ATP6V1B1: variants seen among roughly 807,000 people sequenced by gnomAD.
ATP6V1B1 encodes ATPase H+ transporting V1 subunit B1, also known as V-type proton ATPase subunit B, kidney isoform.
Under a neutral mutation model 62.1 loss-of-function variants are expected in ATP6V1B1, and 41 were observed. The ratio of observed to expected loss-of-function variants is 0.66; its 90% CI spans 0.51 to 0.86. ATP6V1B1 has a LOEUF of 0.86. ATP6V1B1 is among the 40% of genes least tolerant of loss of function. ATP6V1B1 has a pLI of 0.00. For synonymous variants in ATP6V1B1, 253 were observed against 273.4 expected (o/e 0.93, Z 0.74); for missense variants, 651 against 697.5 (o/e 0.93, Z 0.75).
chr2:70,941,112 T>C, intron 1 of ATP6V1B1: 2 of 454,478 alleles, frequency 4.4e-6, no homozygotes, highest in Non-Finnish European at 5.8e-6. Flanking sequence ...GAGACGAGGC[T>C]TCACCATATT....
At chr2:70,950,120 C>T (rs977017467) in intron 2 of ATP6V1B1, among the ~76,000 whole-genome samples, 86 of 152,158 alleles carry the variant, frequency 5.7e-4, no homozygotes, top group African/African-American at 1.9e-3. Context: ...AATTAATATA[C>T]AACATTTGTT....
In ATP6V1B1 at chr2:70,963,087, C is replaced by G. The variant is rs1553420395; in HGVS notation, c.910-75C>G. 6.2e-7 allele frequency: 1 copy of G among 1,609,264 alleles called. No homozygotes were observed. The highest frequency in any genetic ancestry group is 2.2e-5 in the East Asian group (1 of 44,840). ...CCCCACTCCATTTCTCACAGGGTCA[C>G]TGAACCTCCCACCCACCCTTCCTAG... On this transcript the variant is annotated intron_variant, in intron 9 of 13. Coordinates refer to ENST00000234396, the MANE Select transcript of ATP6V1B1 (RefSeq NM_001692.4). This position sits in a 1 kb window ranked among gnomAD's most constrained non-coding sequence, Gnocchi z 4.3.
At chr2:70,957,133 C>T (rs1402252934) in intron 2 of ATP6V1B1, among the ~76,000 whole-genome samples, 1 of 143,158 alleles carries the variant, frequency 7.0e-6, no homozygotes, top group Non-Finnish European at 1.5e-5. Context: ...ATCACCCAGG[C>T]TGGAGTGCAG....
At position 70,961,693 on chromosome 2, in the gene ATP6V1B1, C is replaced by A; in HGVS notation, c.785C>A (p.Thr262Lys). ...TTCCTGAACTTGGCCAATGACCCCA[C>A]GTGAGCTTTCCCTGATGCCCAAACT... ...CLFLNLANDP[T>K]IERIITPRLA... Residue 262 changes from threonine (T) to lysine (K), a missense_variant and splice_region_variant, in exon 8 of 14, where the codon ACG (threonine) becomes AAG (lysine). By Grantham distance (78) the Thr-to-Lys change is moderately conservative. Coordinates refer to ENST00000234396, the MANE Select transcript of ATP6V1B1 (RefSeq NM_001692.4). The A allele has an allele frequency of 6.2e-7, 1 of 1,614,120 alleles. No homozygotes were observed. Among genetic ancestry groups the A allele is most frequent in the Middle Eastern group, 1.6e-4 (1 of 6,062 alleles).
At chr2:70,945,723 T>TATAG (rs1680150753) in intron 2 of ATP6V1B1, among the ~76,000 whole-genome samples, 1 of 137,236 alleles carries the variant, frequency 7.3e-6, no homozygotes, top group South Asian at 2.4e-4. Context: ...TATATATATA[T>TATAG]ATATATATAT....
At chr2:70,946,390 C>T (rs1680175452) in intron 2 of ATP6V1B1, among the ~76,000 whole-genome samples, 1 of 152,134 alleles carries the variant, frequency 6.6e-6, no homozygotes, top group African/African-American at 2.4e-5. Flanking sequence ...TTTCTGCTAG[C>T]TACATGCCAA....
chr2:70,943,359 G>A, intron 1 of ATP6V1B1: 1 of 568,970 alleles, frequency 1.8e-6, no homozygotes, highest in Non-Finnish European at 3.2e-6. Flanking sequence ...GAAGCCAGAG[G>A]GGAAGCAGCC....
At chr2:70,944,844 T>G (rs1680115427) in intron 2 of ATP6V1B1, among the ~76,000 whole-genome samples, 1 of 152,076 alleles carries the variant, frequency 6.6e-6, no homozygotes, top group African/African-American at 2.4e-5. Flanking sequence ...GATTATTTGT[T>G]TTTTAGCAGA....
rs886056274 is a variant in ATP6V1B1, at chr2:70,964,795, G to A, written c.1308G>A (p.Glu436=). The A allele has an allele frequency of 1.9e-6, 3 of 1,614,050 alleles. No homozygotes were observed. Among genetic ancestry groups the A allele is most frequent in the Non-Finnish European group, 2.5e-6 (3 of 1,180,040 alleles). ...CCATGAAGGCAGTAGTTGGGGAGGAGGCGCTCACCTCTGAGGACCTGCTCT... is the reference window on the plus strand; with the variant it reads ...CCATGAAGGCAGTAGTTGGGGAGGAAGCGCTCACCTCTGAGGACCTGCTCT... ...VQAMKAVVGE[E]ALTSEDLLYL... Residue 436 remains glutamate (E), a synonymous_variant, in exon 13 of 14, where the codon GAG becomes GAA. Coordinates refer to ENST00000234396, the MANE Select transcript of ATP6V1B1 (RefSeq NM_001692.4).
rs117826071 is a variant in ATP6V1B1, at chr2:70,963,275, C to T, written c.1023C>T (p.Ser341=). The change falls in exon 10 of 14, where the codon TCC becomes TCT. Residue 341 remains serine (S), a synonymous_variant. Coordinates refer to ENST00000234396, the MANE Select transcript of ATP6V1B1 (RefSeq NM_001692.4). The surrounding 1 kb of genome is among the most constrained non-coding windows in gnomAD (Gnocchi z 4.3). ...RAGRVEGRGG[S]ITQIPILTMP... Reference sequence around the variant, plus strand: ...GCCGCGTGGAGGGTCGGGGAGGATCCATCACACAGATCCCCATCCTCACCA... The same window carrying T: ...GCCGCGTGGAGGGTCGGGGAGGATCTATCACACAGATCCCCATCCTCACCA... 6.7e-4 allele frequency: 1,086 copies of T among 1,613,658 alleles called. 16 individuals carry two copies. In the East Asian group the frequency reaches 0.021, roughly 31 times the overall value.
In ATP6V1B1 at chr2:70,963,304, CCAA is replaced by C; in HGVS notation, c.1054_1056del (p.Asn352del). The C allele has an allele frequency of 1.2e-6, 2 of 1,613,132 alleles. No homozygotes were observed. Among genetic ancestry groups the C allele is most frequent in the Non-Finnish European group, 1.7e-6 (2 of 1,180,010 alleles). Reference sequence around the variant, plus strand: ...ACACAGATCCCCATCCTCACCATGCCCAACGACGGTAGCCTCCTCACAGCCCAC... The same window carrying C: ...ACACAGATCCCCATCCTCACCATGCCCGACGGTAGCCTCCTCACAGCCCAC... On this transcript the variant is annotated inframe_deletion, in exon 10 of 14. Coordinates refer to ENST00000234396, the MANE Select transcript of ATP6V1B1 (RefSeq NM_001692.4). This position sits in a 1 kb window ranked among gnomAD's most constrained non-coding sequence, Gnocchi z 4.3.
rs782581074 is a variant in ATP6V1B1, at chr2:70,965,082, G to A, written c.1503G>A (p.Glu501=). ...QAVIDEFYSR[E]GALQDLAPDT... is the part of the protein sequence containing the mutation. ...TGATCGACGAGTTCTATTCCCGCGA[G>A]GGGGCGCTGCAGGACCTCGCGCCTG... The change falls in exon 14 of 14, where the codon GAG becomes GAA. Residue 501 remains glutamate, a synonymous_variant. Transcript: ENST00000234396. 1.2e-5 allele frequency: 20 copies of A among 1,612,712 alleles called. No homozygotes were observed. Among genetic ancestry groups the A allele is most frequent in the Non-Finnish European group, 1.6e-5 (19 of 1,180,034 alleles).
At chr2:70,949,730 C>T (rs1402590630) in intron 2 of ATP6V1B1, among the ~76,000 whole-genome samples, 35 of 152,320 alleles carry the variant, frequency 2.3e-4, no homozygotes, top group Non-Finnish European at 5.9e-5. Context: ...TCCGTGAAAT[C>T]TTCCTACCAA....
Position 70,959,018 on chromosome 2 carries a change from G to A in ATP6V1B1, c.368G>A (p.Gly123Asp). The change falls in exon 5 of 14, where the codon GGT becomes GAT. Residue 123 changes from glycine to aspartate, a missense_variant and splice_region_variant. Transcript: ENST00000234396. This position sits in a 1 kb window ranked among gnomAD's most constrained non-coding sequence, Gnocchi z 4.2. ...TGCAACACTCCTCGTCCACCCTCAGGTCGGGTTTTCAATGGCTCCGGCAAG... is the reference window on the plus strand; with the variant it reads ...TGCAACACTCCTCGTCCACCCTCAGATCGGGTTTTCAATGGCTCCGGCAAG... ...LRTPVSEDML[G>D]RVFNGSGKPI... is the part of the protein sequence containing the mutation. The A allele has an allele frequency of 6.2e-7, 1 of 1,614,120 alleles. No homozygotes were observed.
chr2:70,944,073 C>G, intron 2 of ATP6V1B1: 1 of 1,293,658 alleles, frequency 7.7e-7, no homozygotes, highest in South Asian at 1.4e-5. Flanking sequence ...TGTACCTAAC[C>G]TCCTCGAGGG....
chr2:70,935,935 T>C lies in ATP6V1B1; in HGVS notation c.-20T>C. 3 of 1,602,730 alleles carry C rather than the reference T, an allele frequency of 1.9e-6. No homozygotes were observed. Among genetic ancestry groups the C allele is most frequent in the Non-Finnish European group, 2.6e-6 (3 of 1,171,382 alleles). On this transcript the variant is annotated 5_prime_UTR_variant, in exon 1 of 14. Transcript: ENST00000234396. ...CCAGCAGCAGGCTCAGACACTGGGCTCCCAGCTGGGGACTGCTCCATGGCC... is the reference window on the plus strand; with the variant it reads ...CCAGCAGCAGGCTCAGACACTGGGCCCCCAGCTGGGGACTGCTCCATGGCC...
chr2:70,938,779 G>A, intron 1 of ATP6V1B1: 1 of 985,394 alleles, frequency 1.0e-6, no homozygotes, highest in South Asian at 4.7e-5. Flanking sequence ...TTGGGCAGAA[G>A]ATGTTGGGCT....
chr2:70,954,300 C>T (rs899145835), intron 2 of ATP6V1B1, among the ~76,000 whole-genome samples: 8 of 152,030 alleles, frequency 5.3e-5, no homozygotes, highest in Admixed American at 6.6e-5. Context: ...ATTATGGGAG[C>T]GAAATGTTTT....
intron 8 of ATP6V1B1, 62 bp from the exon 9 acceptor site, chr2:70,962,715 C>T: frequency 6.2e-7 from 1 of 1,606,268 alleles, no homozygotes. Context: ...GCTCAGCCCC[C>T]AGGCTATGTG....
Sources: allele counts gnomAD v4.1 joint callset (sites outside exome capture counted in the v4.1 genomes callset), GRCh38; gene constraint gnomAD v4.1.1; non-coding constraint Gnocchi (gnomAD v3.1); transcripts MANE v1.5; gene names NCBI Gene and HGNC (gene_info 2026-07-23, HGNC 2026-07-21).